RBM33: variants seen among roughly 807,000 people sequenced by gnomAD.
RBM33 encodes RNA-binding protein 33.
RBM33 carries 28 observed loss-of-function variants against 132.6 expected under a neutral mutation model. The observed-to-expected ratio is 0.21, with a 90% confidence interval of 0.16 to 0.29. The LOEUF is 0.29. RBM33 is among the 10% of genes least tolerant of loss of function. RBM33 has a pLI of 1.00. For missense variants in RBM33, 1,291 were observed against 1,518.5 expected (o/e 0.85, Z 2.49); for synonymous variants, 634 against 593.0 (o/e 1.07, Z -1.01).
At chr7:155,764,786 A>G (rs1187298100) in intron 15 of RBM33, among the ~76,000 whole-genome samples, 5 of 152,226 alleles carry the variant, frequency 3.3e-5, no homozygotes, top group Admixed American at 3.3e-4. Flanking sequence ...GGAGAACGGC[A>G]AGTCTGCCCG....
At chr7:155,656,716 T>C (rs1009363729) in intron 1 of RBM33, among the ~76,000 whole-genome samples, 1 of 152,368 alleles carries the variant, frequency 6.6e-6, no homozygotes, top group East Asian at 1.9e-4. Context: ...ATTTGTTTTA[T>C]AGACTTTTTG....
intron 13 of RBM33, among the ~76,000 whole-genome samples, chr7:155,744,269 C>G (rs943842766): frequency 6.6e-6 from 1 of 152,188 alleles, no homozygotes; most frequent in Non-Finnish European, 1.5e-5. Context: ...ACTTTTTATA[C>G]ATTTTCCCTA....
intron 1 of RBM33, 78 bp from the exon 2 acceptor site, chr7:155,665,097 G>C: frequency 8.4e-7 from 1 of 1,197,338 alleles, no homozygotes; most frequent in Non-Finnish European, 1.2e-6. Context: ...CCTTAAAAAA[G>C]TTGTTTTAGT....
At chr7:155,685,099 C>T in intron 5 of RBM33, 1 of 1,532,434 alleles carries the variant, frequency 6.5e-7, no homozygotes, top group Non-Finnish European at 8.8e-7. Flanking sequence ...CTGTTTCCCT[C>T]CCCCAGACTT....
chr7:155,744,448 T>G (rs566256036), intron 13 of RBM33, among the ~76,000 whole-genome samples: 1 of 152,328 alleles, frequency 6.6e-6, no homozygotes, highest in East Asian at 1.9e-4. Flanking sequence ...GAGTTCAAGG[T>G]CAGAGAGATT....
chr7:155,760,272 CTACCAGGGAGCTGATTTAGATTGCT>C (rs1157390269), intron 14 of RBM33, among the ~76,000 whole-genome samples: 1 of 152,220 alleles, frequency 6.6e-6, no homozygotes, highest in Non-Finnish European at 1.5e-5. Flanking sequence ...GTTGGTTAAG[CTACCAGGGAGCTGATTTAGATTGCT>C]TAAGTTCATA....
rs1160096211 is a variant in RBM33 at position 155,777,630 on chromosome 7, G to A, written c.*2589G>A. 6.6e-6 allele frequency: 1 copy of A among 152,654 alleles called. No individual in the cohort carries two copies. The highest frequency in any genetic ancestry group is 2.4e-5 in the African/African-American group (1 of 41,458). The allele number at this position is 152,654 out of a possible 1,614,324, so 9.5% of individuals were successfully genotyped here. The stretch of plus-strand genomic sequence containing the variant: ...CTTGAGTTCATCATGCATTTAAAAT[G>A]AGATGCAAGAGCATTTAGCATACCA... On this transcript the variant is annotated 3_prime_UTR_variant, in exon 18 of 18. Coordinates refer to ENST00000401878, the MANE Select transcript of RBM33 (RefSeq NM_053043.3).
intron 14 of RBM33, among the ~76,000 whole-genome samples, chr7:155,751,789 TAGTAA>T (rs897870907): frequency 1.1e-3 from 148 of 140,790 alleles, no homozygotes; most frequent in Middle Eastern, 3.7e-3. Context: ...CCTTTGTAAT[TAGTAA>T]AGTAATTTAT....
chr7:155,712,129 A>G (rs1380592213), intron 8 of RBM33, among the ~76,000 whole-genome samples: 1 of 152,226 alleles, frequency 6.6e-6, no homozygotes, highest in Non-Finnish European at 1.5e-5. Context: ...ACACTTTGTA[A>G]GTCTCCCGGT....
intron 14 of RBM33, among the ~76,000 whole-genome samples, chr7:155,751,099 A>G (rs7784769): frequency 0.065 from 9,835 of 152,210 alleles, 481 homozygotes; most frequent in African/African-American, 0.14. Flanking sequence ...TGATATGTAT[A>G]TACCTGATCC....
At chr7:155,746,282 TG>T (rs780201136) in intron 14 of RBM33, 4 of 152,500 alleles carry the variant, frequency 2.6e-5, no homozygotes, top group Non-Finnish European at 5.9e-5. Flanking sequence ...GTGGGAGTGG[TG>T]GGCAGTGCAG....
At chr7:155,707,868 C>G (rs1044813910) in intron 7 of RBM33, among the ~76,000 whole-genome samples, 1 of 152,150 alleles carries the variant, frequency 6.6e-6, no homozygotes, top group Admixed American at 6.5e-5. Context: ...CCATGTTGGC[C>G]AGGGTGGTCT....
intron 2 of RBM33, among the ~76,000 whole-genome samples, chr7:155,669,477 C>G (rs376635793): frequency 2.0e-5 from 3 of 152,094 alleles, no homozygotes; most frequent in African/African-American, 7.2e-5. Flanking sequence ...CTCAGTCTCC[C>G]GAGTAGCCGG....
chr7:155,682,536 A>G (rs1421696904), intron 5 of RBM33, among the ~76,000 whole-genome samples: 1 of 152,184 alleles, frequency 6.6e-6, no homozygotes, highest in East Asian at 1.9e-4. Flanking sequence ...TATTTCTGTT[A>G]CTCATCAGTA....
intron 8 of RBM33, among the ~76,000 whole-genome samples, chr7:155,713,711 C>T (rs141763216): frequency 1.3e-5 from 2 of 152,270 alleles, no homozygotes; most frequent in African/African-American, 2.4e-5. Flanking sequence ...TTTGCTAAAA[C>T]AGAAGTTGGA....
rs1272204937 is a variant in RBM33 at position 155,775,399 on chromosome 7, C to T, written c.*358C>T. On this transcript the variant is annotated 3_prime_UTR_variant, in exon 18 of 18. Coordinates refer to ENST00000401878, the MANE Select transcript of RBM33 (RefSeq NM_053043.3). ...TAGATTCAGGAAAGAACATTAACGT[C>T]ACAAGTTCTAAGTAGTTTTCACAGC... The T allele has an allele frequency of 2.5e-6, 1 of 407,012 alleles. No individual in the cohort carries two copies. Among genetic ancestry groups the T allele is most frequent in the East Asian group, 5.2e-5 (1 of 19,346 alleles). 25.2% of individuals were successfully genotyped at this position (407,012 alleles called of 1,614,324 possible).
intron 5 of RBM33, among the ~76,000 whole-genome samples, chr7:155,688,485 T>A (rs1005499432): frequency 5.3e-5 from 8 of 152,228 alleles, no homozygotes; most frequent in Non-Finnish European, 1.2e-4. Flanking sequence ...TCCTGCCTGA[T>A]TGCCCTGGCC....
intron 9 of RBM33, among the ~76,000 whole-genome samples, chr7:155,728,539 A>G (rs972878697): frequency 1.3e-5 from 2 of 152,182 alleles, no homozygotes; most frequent in African/African-American, 4.8e-5. Flanking sequence ...AATCTTAGAT[A>G]GCTCTTTGGT....
chr7:155,737,950 C>T, intron 10 of RBM33, 110 bp from the exon 11 acceptor site: 6 of 994,784 alleles, frequency 6.0e-6, no homozygotes, highest in Non-Finnish European at 9.1e-6. Context: ...CATTCATAAC[C>T]TGTCAACACT....
Sources: gnomAD v4.1 joint callset for allele counts (sites outside exome capture counted in the v4.1 genomes callset) on GRCh38, gnomAD v4.1.1 for gene constraint, MANE v1.5 for transcripts, NCBI Gene and HGNC (gene_info 2026-07-23, HGNC 2026-07-21) for gene names.